The following STAU2 variants were observed in gnomAD, a reference collection of about 807,000 sequenced individuals.
STAU2 encodes the protein staufen double-stranded RNA binding protein 2.
A neutral mutation model predicts 65.9 loss-of-function variants in STAU2; 20 were observed. The ratio of observed to expected loss-of-function variants is 0.30; its 90% CI spans 0.21 to 0.44. The LOEUF is 0.44. Among genes scored for constraint, STAU2 ranks in the 20% least tolerant of loss-of-function variants. The pLI, the probability that STAU2 is intolerant of heterozygous loss-of-function variation, is 1.00. For missense variants in STAU2, 558 were observed against 683.9 expected (o/e 0.82, Z 2.05); for synonymous variants, 232 against 233.9 (o/e 0.99, Z 0.07).
Position 73,644,461 on chromosome 8 carries a change from G to A in STAU2, c.411-27010C>T, listed in dbSNP as rs568507097. ...TCCTGTCTCTTAAAAAAAAAAAAAT[G>A]TTATGAAGAATGGTCTGAGAAAAAA... is the stretch of plus-strand genomic sequence containing the variant. On this transcript the variant is annotated intron_variant, in intron 6 of 14. Transcript: ENST00000524300. Among the ~76,000 whole-genome samples, 28 of 150,582 alleles carry A rather than the reference G, an allele frequency of 1.9e-4. No homozygotes were observed. The South Asian group carries it at 4.8e-3, about 26-fold the overall frequency.
At chr8:73,641,040 A>G (rs1814919013) in intron 6 of STAU2, among the ~76,000 whole-genome samples, 1 of 152,238 alleles carries the variant, frequency 6.6e-6, no homozygotes, top group South Asian at 2.1e-4. Flanking sequence ...CTAACTCTAT[A>G]TAATACTTGC....
At chr8:73,620,729 T>C (rs920646209) in intron 6 of STAU2, among the ~76,000 whole-genome samples, 1 of 152,202 alleles carries the variant, frequency 6.6e-6, no homozygotes, top group Non-Finnish European at 1.5e-5. Context: ...GTAAAAATTC[T>C]AGCACTAACA....
At chr8:73,711,131 C>CA (rs751087630) in intron 3 of STAU2, among the ~76,000 whole-genome samples, 4,228 of 31,056 alleles carry the variant, frequency 0.14, 1,132 homozygotes, top group African/African-American at 0.19. Context: ...AAGTGGCTTG[C>CA]AAAAAAAAAA....
intron 3 of STAU2, among the ~76,000 whole-genome samples, chr8:73,714,029 G>A (rs138361821): frequency 0.028 from 4,299 of 152,054 alleles, 170 homozygotes; most frequent in African/African-American, 0.094. Context: ...TCAGCCTCCC[G>A]AGTAGCTGGA....
intron 10 of STAU2, among the ~76,000 whole-genome samples, chr8:73,600,767 C>T (rs1157586819): frequency 6.6e-6 from 1 of 152,226 alleles, no homozygotes; most frequent in Non-Finnish European, 1.5e-5. Context: ...CTGGCCTATT[C>T]TGATACCTTC....
At chr8:73,712,267 A>G (rs1820951134) in intron 3 of STAU2, among the ~76,000 whole-genome samples, 1 of 152,194 alleles carries the variant, frequency 6.6e-6, no homozygotes, top group Admixed American at 6.5e-5. Flanking sequence ...AAATAAAATT[A>G]ATAAAAATGG....
chr8:73,661,140 T>A (rs1264044448), intron 6 of STAU2, among the ~76,000 whole-genome samples: 1 of 152,206 alleles, frequency 6.6e-6, no homozygotes, highest in African/African-American at 2.4e-5. Flanking sequence ...AGAAGTCGAA[T>A]AACCTGCTCA....
chr8:73,495,685 A>ATATATATATATATG (rs1199482749), intron 13 of STAU2, among the ~76,000 whole-genome samples: 2 of 147,620 alleles, frequency 1.4e-5, no homozygotes, highest in African/African-American at 2.5e-5. Context: ...ATATATATAT[A>ATATATATATATATG]TATGTATAGT....
At chr8:73,581,778 T>G (rs1411056591) in intron 12 of STAU2, among the ~76,000 whole-genome samples, 1 of 152,162 alleles carries the variant, frequency 6.6e-6, no homozygotes, top group East Asian at 1.9e-4. Flanking sequence ...GAAATAATTC[T>G]TTTCAAGAGG....
intron 12 of STAU2, among the ~76,000 whole-genome samples, chr8:73,576,504 A>G (rs1345011651): frequency 2.0e-5 from 3 of 152,132 alleles, no homozygotes; most frequent in Admixed American, 2.0e-4. Context: ...TATAAAATTC[A>G]GAGATAGTGG....
chr8:73,508,600 G>A (rs1174025915), intron 13 of STAU2, among the ~76,000 whole-genome samples: 1 of 152,156 alleles, frequency 6.6e-6, no homozygotes, highest in Non-Finnish European at 1.5e-5. Flanking sequence ...GGCACATGTT[G>A]TTGGAAAAAT....
At chr8:73,551,808 G>GA in intron 13 of STAU2, 1 of 1,226,380 alleles carries the variant, frequency 8.2e-7, no homozygotes, top group Admixed American at 3.9e-5. Flanking sequence ...GGCAGCAAAA[G>GA]AATTACTAGA....
At chr8:73,519,282 T>C (rs1822912062) in intron 13 of STAU2, among the ~76,000 whole-genome samples, 1 of 152,150 alleles carries the variant, frequency 6.6e-6, no homozygotes, top group Non-Finnish European at 1.5e-5. Context: ...GTCACTTAAG[T>C]ATGTCTTTTA....
intron 13 of STAU2, among the ~76,000 whole-genome samples, chr8:73,507,499 T>G (rs1457641823): frequency 1.3e-5 from 2 of 152,170 alleles, no homozygotes; most frequent in Non-Finnish European, 2.9e-5. Context: ...TGTAAACAGA[T>G]GAGCTGTCAT....
At chr8:73,488,363 T>C (rs1037780289) in intron 13 of STAU2, among the ~76,000 whole-genome samples, 12 of 152,024 alleles carry the variant, frequency 7.9e-5, no homozygotes, top group African/African-American at 2.7e-4. Flanking sequence ...AAATTCACCA[T>C]AAAATAGCTT....
intron 13 of STAU2, among the ~76,000 whole-genome samples, chr8:73,435,612 G>A (rs1817627494): frequency 6.6e-6 from 1 of 151,922 alleles, no homozygotes; most frequent in Non-Finnish European, 1.5e-5. Flanking sequence ...AGCAGGACTG[G>A]GTTGTATCTA....
At chr8:73,730,781 G>A (rs1806003231) in intron 3 of STAU2, among the ~76,000 whole-genome samples, 1 of 149,722 alleles carries the variant, frequency 6.7e-6, no homozygotes. Flanking sequence ...TTTTGCTGTT[G>A]CTGAATGTTC....
At chr8:73,421,956 ATT>A (rs57489089) in intron 14 of STAU2, among the ~76,000 whole-genome samples, 5,603 of 144,200 alleles carry the variant, frequency 0.039, 119 homozygotes, top group African/African-American at 0.073. Flanking sequence ...ACCCCTTTCC[ATT>A]TTTTTTTTTT....
intron 3 of STAU2, among the ~76,000 whole-genome samples, chr8:73,721,023 C>T (rs988755274): frequency 2.7e-5 from 4 of 147,152 alleles, no homozygotes; most frequent in African/African-American, 1.0e-4. Context: ...CTCACGCATG[C>T]AATCCTAGGA....
Sources: allele counts gnomAD v4.1 joint callset (sites outside exome capture counted in the v4.1 genomes callset), GRCh38; gene constraint gnomAD v4.1.1; transcripts MANE v1.5; gene names NCBI Gene and HGNC (gene_info 2026-07-23, HGNC 2026-07-21).